The following IFT122 variants were observed in gnomAD, a reference collection of about 807,000 sequenced individuals.
IFT122 encodes the protein intraflagellar transport 122.
IFT122 carries 118 observed loss-of-function variants against 161.6 expected under a neutral mutation model. That is an observed-to-expected ratio of 0.73 (90% CI 0.63 to 0.85). The LOEUF is 0.85. Ranked by LOEUF, IFT122 falls within the 40% of genes least tolerant of loss-of-function variation. The pLI is 0.00. For missense variants in IFT122, 1,381 were observed against 1,579.6 expected, an observed-to-expected ratio of 0.87 and a Z score of 2.13; for synonymous variants, 550 against 602.4, an observed-to-expected ratio of 0.91 and a Z score of 1.27.
Position 129,520,321 on chromosome 3 carries a change from T to C in IFT122, c.*56T>C. 7.6e-7 allele frequency: 1 copy of C among 1,316,858 alleles called. No individual in the cohort carries two copies. The allele number at this position is 1,316,858 out of a possible 1,614,324, so 81.6% of individuals were successfully genotyped here. On this transcript the variant is annotated 3_prime_UTR_variant, in exon 30 of 30. Transcript: ENST00000348417. ...GCCCGCCTTGGGGTCTGCTGGGCTG[T>C]GAAGGAGAATAAAGAGTTAAACTGT...
chr3:129,448,714 C>T (rs1286262778), intron 1 of IFT122, among the ~76,000 whole-genome samples: 6 of 150,646 alleles, frequency 4.0e-5, no homozygotes, highest in Admixed American at 3.3e-4. Flanking sequence ...TTTTTTGAGA[C>T]GGAGTCTTCC....
chr3:129,517,628 G>A (rs376250638), intron 27 of IFT122, 34 bp downstream of exon 27: 35 of 1,607,496 alleles, frequency 2.2e-5, no homozygotes, highest in Admixed American at 1.3e-4. Context: ...CTGTGTGTGC[G>A]GCTGTGTGAG....
intron 26 of IFT122, among the ~76,000 whole-genome samples, chr3:129,516,685 ATT>A (rs2083770525): frequency 8.6e-6 from 1 of 116,534 alleles, no homozygotes; most frequent in African/African-American, 3.8e-5. Context: ...ACACACACAG[ATT>A]GCTCCTGCAC....
chr3:129,454,597 C>T (rs920045465), intron 3 of IFT122, among the ~76,000 whole-genome samples: 1 of 143,548 alleles, frequency 7.0e-6, no homozygotes, highest in Non-Finnish European at 1.5e-5. Flanking sequence ...TTTAGGGAGA[C>T]CTGTGAGGAG....
intron 21 of IFT122, among the ~76,000 whole-genome samples, chr3:129,505,400 C>T (rs1201791112): frequency 3.3e-5 from 5 of 152,184 alleles, no homozygotes; most frequent in Non-Finnish European, 7.3e-5. Context: ...GCCCCTCAAC[C>T]GAAAGCCCTC....
chr3:129,464,333 G>A (rs2076487388), intron 6 of IFT122, among the ~76,000 whole-genome samples: 1 of 152,200 alleles, frequency 6.6e-6, no homozygotes, highest in African/African-American at 2.4e-5. Context: ...GTGGGAAGTG[G>A]TGGCTGGCCC....
At chr3:129,506,280 A>G (rs2082180341) in intron 21 of IFT122, 129 bp from the exon 22 acceptor site, 1 of 1,015,672 alleles carries the variant, frequency 9.8e-7, no homozygotes, top group Non-Finnish European at 1.5e-6. Flanking sequence ...GCAACGAAGC[A>G]CTGCAGATGC....
intron 15 of IFT122, among the ~76,000 whole-genome samples, chr3:129,485,614 T>C (rs1399600400): frequency 6.6e-6 from 1 of 152,218 alleles, no homozygotes; most frequent in Admixed American, 6.5e-5. Flanking sequence ...TCTCCCTCAA[T>C]TGCCCCAAAC....
At position 129,520,506 on chromosome 3, in the gene IFT122, C is replaced by G. The variant is rs2084614746; in HGVS notation, c.*241C>G. On this transcript the variant is annotated 3_prime_UTR_variant, in exon 30 of 30. Transcript: ENST00000348417. ...TCTAAGGAAAAAAATCTGTTACTTTCAGAACGGCTCCGAGTTGTTCGTGGC... is the reference window on the plus strand; with the variant it reads ...TCTAAGGAAAAAAATCTGTTACTTTGAGAACGGCTCCGAGTTGTTCGTGGC... 2 of 598,304 alleles carry G rather than the reference C, an allele frequency of 3.3e-6. No individual in the cohort carries two copies. The highest frequency in any genetic ancestry group is 5.7e-5 in the East Asian group (2 of 35,204). 37.1% of individuals were successfully genotyped at this position (598,304 alleles called of 1,614,324 possible).
chr3:129,514,679 C>G, intron 25 of IFT122, 125 bp downstream of exon 25: 1 of 1,089,764 alleles, frequency 9.2e-7, no homozygotes, highest in Non-Finnish European at 1.4e-6. Context: ...CTCTGTGCCC[C>G]CTGCTCAAGC....
At chr3:129,516,870 GCACA>G (rs1347027816) in intron 26 of IFT122, among the ~76,000 whole-genome samples, 1 of 81,538 alleles carries the variant, frequency 1.2e-5, no homozygotes, top group African/African-American at 5.3e-5. Context: ...GGCTGCCCCT[GCACA>G]CACACAGACC....
chr3:129,514,366 G>A, intron 24 of IFT122, 23 bp from the exon 25 acceptor site: 3 of 1,613,758 alleles, frequency 1.9e-6, no homozygotes, highest in African/African-American at 1.3e-5. Context: ...TGCCCCTGCT[G>A]TCCTTAACCC....
Position 129,476,499 on chromosome 3 carries a change from A to C in IFT122, c.1001A>C (p.Asn334Thr). The C allele has an allele frequency of 3.1e-6, 5 of 1,614,134 alleles. No individual in the cohort carries two copies. The highest frequency in any genetic ancestry group is 4.2e-6 in the Non-Finnish European group (5 of 1,180,028). ...VWTCQAKPDSNYVVVGCQDGT... is the reference protein window; with the variant it reads ...VWTCQAKPDSTYVVVGCQDGT... ...ACGTGTCAAGCGAAACCGGATTCCAACTATGTGGTAAGAAGAGAAAGTTTG... is the reference window on the plus strand; with the variant it reads ...ACGTGTCAAGCGAAACCGGATTCCACCTATGTGGTAAGAAGAGAAAGTTTG... The change falls in exon 10 of 30, where the codon AAC (asparagine) becomes ACC (threonine). Residue 334 changes from asparagine (N) to threonine (T), a missense_variant. Around this residue, in one of 7 missense-constraint regions of IFT122, gnomAD observed 544 missense variants for 648.0 expected, o/e 0.84. Transcript: ENST00000348417.
chr3:129,448,094 C>T (rs1205052814), intron 1 of IFT122, among the ~76,000 whole-genome samples: 1 of 152,154 alleles, frequency 6.6e-6, no homozygotes, highest in East Asian at 1.9e-4. Context: ...AAAGCCCTAC[C>T]TTTTTCAAAT....
At position 129,463,203 on chromosome 3, in the gene IFT122, T is replaced by G. The variant is rs560782455; in HGVS notation, c.350-357T>G. On this transcript the variant is annotated intron_variant, in intron 5 of 29. Transcript: ENST00000348417. ...CCAGGAAACTGAGACTGGCACAAAG[T>G]GTGTATATTATATAGTTCTGTTGTT... 5.4e-5 allele frequency: 14 copies of G among 259,438 alleles called. No individual in the cohort carries two copies. In the East Asian group the frequency reaches 1.0e-3, roughly 19 times the overall value. 16.1% of individuals were successfully genotyped at this position (259,438 alleles called of 1,614,324 possible).
intron 13 of IFT122, among the ~76,000 whole-genome samples, chr3:129,480,930 G>T (rs1322682514): frequency 4.6e-5 from 7 of 152,280 alleles, no homozygotes; most frequent in African/African-American, 1.7e-4. Flanking sequence ...GAGGGTACCT[G>T]TTTTCCCAGC....
intron 22 of IFT122, among the ~76,000 whole-genome samples, chr3:129,507,162 G>T (rs1027631073): frequency 6.6e-6 from 1 of 152,172 alleles, no homozygotes; most frequent in Admixed American, 6.5e-5. Context: ...GGTCCCTTTG[G>T]TTGCTGGGAG....
At chr3:129,512,669 C>T (rs1485387048) in intron 24 of IFT122, 1 of 548,140 alleles carries the variant, frequency 1.8e-6, no homozygotes, top group Non-Finnish European at 3.3e-6. Context: ...CACACTGTCC[C>T]AATCCCTCCT....
rs369053694 is a variant in IFT122 at position 129,481,827 on chromosome 3, C to T, written c.1653+133C>T. 5.5e-6 allele frequency: 5 copies of T among 915,644 alleles called. No individual in the cohort carries two copies. The African/African-American group carries it at 6.6e-5, about 12-fold the overall frequency. 56.7% of individuals were successfully genotyped at this position (915,644 alleles called of 1,614,324 possible). ...GGGAGGGGCAGGGGCCAAGCACATGCACAGAGTCCCAGAGGCCCTGGGCCA... is the reference window on the plus strand; with the variant it reads ...GGGAGGGGCAGGGGCCAAGCACATGTACAGAGTCCCAGAGGCCCTGGGCCA... On this transcript the variant is annotated intron_variant, in intron 14 of 29. Coordinates refer to ENST00000348417, the MANE Select transcript of IFT122 (RefSeq NM_052989.3).
Sources: gnomAD v4.1 joint callset for allele counts (sites outside exome capture counted in the v4.1 genomes callset) on GRCh38, gnomAD v4.1.1 for gene constraint, gnomAD v4.1.1 regional missense constraint, MANE v1.5 for transcripts, NCBI Gene and HGNC (gene_info 2026-07-23, HGNC 2026-07-21) for gene names.